Variants in SPATA6 observed in about 807,000 individuals in gnomAD.
The protein encoded by SPATA6 is spermatogenesis associated 6, also known as spermatogenesis-associated protein 6.
A neutral mutation model predicts 65.3 loss-of-function variants in SPATA6; 56 were observed. That is an observed-to-expected ratio of 0.86 (90% CI 0.69 to 1.07). The LOEUF (loss-of-function observed/expected upper bound fraction) is 1.07, where lower values mean the gene tolerates loss of function less well. Among genes scored for constraint, SPATA6 ranks in the 50% least tolerant of loss-of-function variants. SPATA6 has a pLI of 0.00. For synonymous variants in SPATA6, 199 were observed against 213.2 expected, an observed-to-expected ratio of 0.93 and a Z score of 0.58; for missense variants, 590 against 594.8, an observed-to-expected ratio of 0.99 and a Z score of 0.08.
intron 3 of SPATA6, among the ~76,000 whole-genome samples, chr1:48,428,847 A>G (rs1421369679): frequency 7.5e-6 from 1 of 133,284 alleles, no homozygotes; most frequent in Non-Finnish European, 1.7e-5. Flanking sequence ...ATGTGTATAT[A>G]TATGTGTGTA....
intron 3 of SPATA6, among the ~76,000 whole-genome samples, chr1:48,432,502 T>C (rs547093203): frequency 6.6e-6 from 1 of 152,264 alleles, no homozygotes; most frequent in Non-Finnish European, 1.5e-5. Flanking sequence ...CCATAGAGGA[T>C]ACATAAATGG....
intron 5 of SPATA6, among the ~76,000 whole-genome samples, chr1:48,406,746 G>C (rs1651747701): frequency 6.6e-6 from 1 of 152,060 alleles, no homozygotes; most frequent in African/African-American, 2.4e-5. Flanking sequence ...GTGTTTACTT[G>C]CCAGACACTG....
chr1:48,272,991 A>G, the SPATA6 span, among the ~76,000 whole-genome samples: 1 of 152,126 alleles, frequency 6.6e-6, no homozygotes, highest in Non-Finnish European at 1.5e-5. Flanking sequence ...AAGGTGTATG[A>G]GTCCCTTATA....
chr1:48,273,655 T>C, the SPATA6 span, among the ~76,000 whole-genome samples: 2 of 152,234 alleles, frequency 1.3e-5, no homozygotes, highest in African/African-American at 4.8e-5. Flanking sequence ...TCCATGTCCC[T>C]GTAAAGGACA....
chr1:48,420,712 G>A (rs182714929), intron 3 of SPATA6, among the ~76,000 whole-genome samples: 4 of 152,224 alleles, frequency 2.6e-5, no homozygotes, highest in Admixed American at 2.6e-4. Context: ...GAGCCAGGGA[G>A]GCAAGTTGCA....
intron 3 of SPATA6, among the ~76,000 whole-genome samples, chr1:48,435,700 C>G (rs576766999): frequency 5.9e-5 from 9 of 152,302 alleles, no homozygotes; most frequent in South Asian, 4.1e-4. Context: ...AAAAACGCAC[C>G]GAGAGTTCCA....
Position 48,325,075 on chromosome 1 carries a change from A to G in SPATA6, c.1195-19197T>C, listed in dbSNP as rs1375058177. On this transcript the variant is annotated intron_variant, in intron 11 of 12. Transcript: ENST00000371847. ...ATCCCACATTTCTCCATGACCAAAA[A>G]TATCATATCAGTAAGGAAGATGTGG... 5 of 374,732 alleles carry G rather than the reference A, an allele frequency of 1.3e-5. No homozygotes were observed. The South Asian group carries it at 2.7e-4, about 20-fold the overall frequency. The allele number at this position is 374,732 out of a possible 1,614,324, so 23.2% of individuals were successfully genotyped here. A position where few individuals can be genotyped will look rare whatever the true frequency, so the allele number is the denominator to read the frequency against.
rs373580945 is a variant in SPATA6, at chr1:48,381,687, C to T, written c.909+3622G>A. 6.3e-3 allele frequency among the ~76,000 whole-genome samples: 769 copies of T among 121,204 alleles called. 7 individuals carry two copies. Among genetic ancestry groups the T allele is most frequent in the Middle Eastern group, 0.018 (4 of 224 alleles). 79.5% of individuals were successfully genotyped at this position (121,204 alleles called of 152,430 possible). A position where few individuals can be genotyped will look rare whatever the true frequency, so the allele number is the denominator to read the frequency against. ...TTATATGAATAGTTAAATTTTTTTT[C>T]TTTTTTTTTTTAATTAATTTATTTA... On this transcript the variant is annotated intron_variant, in intron 9 of 12. Coordinates refer to ENST00000371847, the MANE Select transcript of SPATA6 (RefSeq NM_019073.4).
intron 11 of SPATA6, chr1:48,325,368 C>T (rs757545207): frequency 1.2e-4 from 164 of 1,373,638 alleles, no homozygotes; most frequent in Middle Eastern, 1.8e-4. Context: ...GTTCTGCATG[C>T]GCCTTCTCCC....
intron 3 of SPATA6, among the ~76,000 whole-genome samples, chr1:48,451,087 TTTCAAATAATTTATTAA>T (rs2148150963): frequency 6.6e-6 from 1 of 152,342 alleles, no homozygotes; most frequent in East Asian, 1.9e-4. Context: ...AAAATGTGTT[TTTCAAATAATTTATTAA>T]TGTAATGAAT....
chr1:48,368,826 C>T (rs907061179), intron 9 of SPATA6, among the ~76,000 whole-genome samples: 1 of 152,228 alleles, frequency 6.6e-6, no homozygotes, highest in African/African-American at 2.4e-5. Context: ...AGCTTTGTTC[C>T]ACTGCTGGTG....
At chr1:48,303,629 A>G (rs1644992098) in intron 12 of SPATA6, among the ~76,000 whole-genome samples, 1 of 152,174 alleles carries the variant, frequency 6.6e-6, no homozygotes, top group Non-Finnish European at 1.5e-5. Context: ...ATAATATTCC[A>G]TTGTGTATAT....
At chr1:48,424,192 C>T (rs1653624962) in intron 3 of SPATA6, among the ~76,000 whole-genome samples, 2 of 152,192 alleles carry the variant, frequency 1.3e-5, no homozygotes, top group Admixed American at 1.3e-4. Flanking sequence ...CTACTCTTAT[C>T]TCCATGAGTT....
At chr1:48,307,135 G>A (rs904489744) in intron 11 of SPATA6, among the ~76,000 whole-genome samples, 4 of 151,472 alleles carry the variant, frequency 2.6e-5, no homozygotes, top group African/African-American at 9.7e-5. Flanking sequence ...TGCCTGTAGT[G>A]AGTGTGAAAG....
At chr1:48,418,924 G>GA (rs146351839) in intron 3 of SPATA6, among the ~76,000 whole-genome samples, 3,343 of 151,622 alleles carry the variant, frequency 0.022, 128 homozygotes, top group African/African-American at 0.077. Context: ...AAGGGAAAGG[G>GA]AAGGGAAGAA....
chr1:48,335,900 A>G (rs1646046190), intron 11 of SPATA6, among the ~76,000 whole-genome samples: 1 of 152,152 alleles, frequency 6.6e-6, no homozygotes, highest in African/African-American at 2.4e-5. Context: ...CAAAGATCTA[A>G]CATCTAGAAT....
At chr1:48,440,082 C>A (rs574554123) in intron 3 of SPATA6, among the ~76,000 whole-genome samples, 15 of 152,118 alleles carry the variant, frequency 9.9e-5, no homozygotes, top group African/African-American at 3.4e-4. Flanking sequence ...CCCATAGCTC[C>A]CCTTCCTATT....
chr1:48,326,730 G>C (rs1645773029), intron 11 of SPATA6, among the ~76,000 whole-genome samples: 1 of 151,906 alleles, frequency 6.6e-6, no homozygotes. Context: ...ATTAACTAAT[G>C]TTGACAAAAA....
chr1:48,264,561 C>T, the SPATA6 span, among the ~76,000 whole-genome samples: 1 of 152,070 alleles, frequency 6.6e-6, no homozygotes, highest in Non-Finnish European at 1.5e-5. Flanking sequence ...ATGTCCCCCT[C>T]CCTGTGTCCA....
Sources: gnomAD v4.1 joint callset for allele counts (sites outside exome capture counted in the v4.1 genomes callset) on GRCh38, gnomAD v4.1.1 for gene constraint, MANE v1.5 for transcripts, NCBI Gene and HGNC (gene_info 2026-07-23, HGNC 2026-07-21) for gene names.